IL2RA: variants seen among roughly 807,000 people sequenced by gnomAD.
IL2RA encodes interleukin-2 receptor subunit alpha.
IL2RA carries 24 observed loss-of-function variants against 37.8 expected under a neutral mutation model. That is an observed-to-expected ratio of 0.63 (90% confidence interval 0.46 to 0.89). The LOEUF is 0.89. Ranked by LOEUF, IL2RA falls within the 40% of genes least tolerant of loss-of-function variation. The pLI is 0.00. For missense variants in IL2RA, 319 were observed against 348.6 expected (o/e 0.92, Z 0.68); for synonymous variants, 125 against 114.6 (o/e 1.09, Z -0.58).
In IL2RA at chr10:6,046,574, C is replaced by G. The variant is rs1242194518; in HGVS notation, c.64+15514G>C. Among the ~76,000 whole-genome samples the G allele has an allele frequency of 6.6e-6, 1 of 152,180 alleles. No homozygotes were observed. The highest frequency in any genetic ancestry group is 6.5e-5 in the Admixed American group (1 of 15,282). ...GTTCTCAGACACATAAATGCAACCTCAAGGCTTTTGCTGAGTTTAGTCTTT... is the reference window on the plus strand; with the variant it reads ...GTTCTCAGACACATAAATGCAACCTGAAGGCTTTTGCTGAGTTTAGTCTTT... On this transcript the variant is annotated intron_variant, in intron 1 of 7. Coordinates refer to ENST00000379959, the MANE Select transcript of IL2RA (RefSeq NM_000417.3). This position sits in a 1 kb window ranked among gnomAD's most constrained non-coding sequence, Gnocchi z 4.8.
At position 6,054,496 on chromosome 10, in the gene IL2RA, C is replaced by T. The variant is rs1476470277; in HGVS notation, c.64+7592G>A. ...TGCTGTCTGTCTGAGCAAAAGTATT[C>T]GTTTTTGTCCGAGAATCTGAGACTC... On this transcript the variant is annotated intron_variant, in intron 1 of 7. Coordinates refer to ENST00000379959, the MANE Select transcript of IL2RA (RefSeq NM_000417.3). The surrounding 1 kb of genome is among the most constrained non-coding windows in gnomAD (Gnocchi z 4.5). 1.3e-5 allele frequency among the ~76,000 whole-genome samples: 2 copies of T among 152,132 alleles called. No homozygotes were observed. The highest frequency in any genetic ancestry group is 4.8e-5 in the African/African-American group (2 of 41,418).
At chr10:6,037,189 G>A (rs12722520) in intron 1 of IL2RA, among the ~76,000 whole-genome samples, 5,620 of 152,260 alleles carry the variant, frequency 0.037, 123 homozygotes, top group Middle Eastern at 0.14. Context: ...CAGTGGAAAC[G>A]TCATTGACTG....
rs1359793097 is a variant in IL2RA, at chr10:6,044,491, G to A, written c.64+17597C>T. ...GTAACTTTTGGGTCATCCGGTCACT[G>A]CTATGGAAAGGAGCAGGAACGCCTG... On this transcript the variant is annotated intron_variant, in intron 1 of 7. Transcript: ENST00000379959. This position sits in a 1 kb window ranked among gnomAD's most constrained non-coding sequence, Gnocchi z 4.5. Among the ~76,000 whole-genome samples, 3 of 152,164 alleles carry A rather than the reference G, an allele frequency of 2.0e-5. No homozygotes were observed. Among genetic ancestry groups the A allele is most frequent in the Admixed American group, 1.3e-4 (2 of 15,274 alleles).
chr10:6,023,033 A>C (rs147410620), intron 3 of IL2RA, among the ~76,000 whole-genome samples: 76 of 152,386 alleles, frequency 5.0e-4, no homozygotes, highest in African/African-American at 1.8e-3. Context: ...AAACTCTTTT[A>C]AAATAAGTAA....
intron 1 of IL2RA, among the ~76,000 whole-genome samples, chr10:6,045,475 G>C (rs1839837443): frequency 6.6e-6 from 1 of 152,088 alleles, no homozygotes; most frequent in East Asian, 1.9e-4. Flanking sequence ...TTGGGCGCTG[G>C]TTATGTTCTA....
Position 6,062,220 on chromosome 10 carries a change from G to T in IL2RA, c.-69C>A, listed in dbSNP as rs554029632. 55 of 1,376,856 alleles carry T rather than the reference G, an allele frequency of 4.0e-5. 1 individual carries two copies. The South Asian group carries it at 6.3e-4, about 16-fold the overall frequency. 85.3% of individuals were successfully genotyped at this position (1,376,856 alleles called of 1,614,324 possible). On this transcript the variant is annotated 5_prime_UTR_variant, in exon 1 of 8. Coordinates refer to ENST00000379959, the MANE Select transcript of IL2RA (RefSeq NM_000417.3). ...TTTCTCTGCAGAAGGCCCAGTTGCC[G>T]TCAGCCTCTTTTTGGCATCGCGCCG...
intron 1 of IL2RA, among the ~76,000 whole-genome samples, chr10:6,034,794 C>G (rs1338756034): frequency 6.6e-6 from 1 of 152,156 alleles, no homozygotes; most frequent in Non-Finnish European, 1.5e-5. Context: ...CATTCTCTCC[C>G]GGAATATTTT....
Position 6,058,714 on chromosome 10 carries a change from G to A in IL2RA, c.64+3374C>T, listed in dbSNP as rs1402295064. On this transcript the variant is annotated intron_variant, in intron 1 of 7. Transcript: ENST00000379959. The surrounding 1 kb of genome is among the most constrained non-coding windows in gnomAD (Gnocchi z 4.2). ...TTTTGAGTCTAGAGGATAAAGATTT[G>A]ATCACAGAATTCCTAGAATGAAAGA... Among the ~76,000 whole-genome samples, 1 of 152,140 alleles carries A rather than the reference G, an allele frequency of 6.6e-6. No individual in the cohort carries two copies. The highest frequency in any genetic ancestry group is 1.5e-5 in the Non-Finnish European group (1 of 68,022).
chr10:6,024,403 A>C (rs1839444885), intron 2 of IL2RA, 49 bp from the exon 3 acceptor site: 1 of 1,309,708 alleles, frequency 7.6e-7, no homozygotes, highest in Non-Finnish European at 1.1e-6. Context: ...AATGCTTCAT[A>C]GAAAACACTG....
chr10:6,019,801 C>T, intron 5 of IL2RA, 69 bp downstream of exon 5: 1 of 1,423,226 alleles, frequency 7.0e-7, no homozygotes, highest in African/African-American at 1.4e-5. Context: ...TCTCCCTGAG[C>T]CTGGCTCCTG....
At chr10:6,019,526 C>T (rs1839344705) in intron 5 of IL2RA, 27 bp from the exon 6 acceptor site, 9 of 1,543,548 alleles carry the variant, frequency 5.8e-6, no homozygotes, top group Non-Finnish European at 8.1e-6. Flanking sequence ...AAGAGAGACA[C>T]TCCTGCTACC....
chr10:6,052,733 T>C (rs767671524), intron 1 of IL2RA, among the ~76,000 whole-genome samples: 17 of 152,166 alleles, frequency 1.1e-4, no homozygotes, highest in Non-Finnish European at 2.1e-4. Flanking sequence ...GAAGGAGGTA[T>C]CTATTTTGGT....
chr10:6,044,975 T>C lies in IL2RA; in HGVS notation c.64+17113A>G, dbSNP rs1402837206. On this transcript the variant is annotated intron_variant, in intron 1 of 7. Coordinates refer to ENST00000379959, the MANE Select transcript of IL2RA (RefSeq NM_000417.3). This position sits in a 1 kb window ranked among gnomAD's most constrained non-coding sequence, Gnocchi z 4.5. ...CAGCAAGCACAAATGTTGAAGGAAA[T>C]GTGGGAGAAGTAAAGTGCCTGTCTC... Among the ~76,000 whole-genome samples the C allele has an allele frequency of 6.6e-6, 1 of 152,154 alleles. No individual in the cohort carries two copies.
rs998622735 is a variant in IL2RA, at chr10:6,021,426, C to G, written c.583+52G>C. 6.8e-7 allele frequency: 1 copy of G among 1,477,100 alleles called. No individual in the cohort carries two copies. Among genetic ancestry groups the G allele is most frequent in the Non-Finnish European group, 9.5e-7 (1 of 1,056,846 alleles). The allele number at this position is 1,477,100 out of a possible 1,614,324, so 91.5% of individuals were successfully genotyped here. ...GAGTGGTCAGGGATTCCACTCTGGT[C>G]AGCCTGATGGAGCAAAGCAACATTG... On this transcript the variant is annotated intron_variant, in intron 4 of 7. Transcript: ENST00000379959. The surrounding 1 kb of genome is among the most constrained non-coding windows in gnomAD (Gnocchi z 4.9).
chr10:6,030,606 T>G (rs1839561160), intron 1 of IL2RA, among the ~76,000 whole-genome samples: 2 of 152,192 alleles, frequency 1.3e-5, no homozygotes. Flanking sequence ...TTAGAGAATT[T>G]ATTATGGCAC....
At chr10:6,051,840 T>TATATATATATATATATATATAGAG (rs1554831689) in intron 1 of IL2RA, among the ~76,000 whole-genome samples, 3 of 124,488 alleles carry the variant, frequency 2.4e-5, no homozygotes, top group African/African-American at 9.0e-5. Flanking sequence ...TATATATATA[T>TATATATATATATATATATATAGAG]ATAGAATTTT....
At chr10:6,030,683 G>C (rs775082549) in intron 1 of IL2RA, among the ~76,000 whole-genome samples, 1 of 152,050 alleles carries the variant, frequency 6.6e-6, no homozygotes, top group Non-Finnish European at 1.5e-5. Flanking sequence ...AACATAAATC[G>C]ACATGAAGTA....
At position 6,028,711 on chromosome 10, in the gene IL2RA, C is replaced by G. The variant is rs1156909664; in HGVS notation, c.65-2686G>C. ...AAAAAGTGCTCAATAGAAACAGACC[C>G]GTAAAATTGGGTGTGGTGGCTCATG... On this transcript the variant is annotated intron_variant, in intron 1 of 7. Coordinates refer to ENST00000379959, the MANE Select transcript of IL2RA (RefSeq NM_000417.3). This position sits in a 1 kb window ranked among gnomAD's most constrained non-coding sequence, Gnocchi z 4.1. Among the ~76,000 whole-genome samples, 1 of 152,068 alleles carries G rather than the reference C, an allele frequency of 6.6e-6. No individual in the cohort carries two copies. The highest frequency in any genetic ancestry group is 2.4e-5 in the African/African-American group (1 of 41,414).
rs1840085528 is a variant in IL2RA, at chr10:6,058,832, TTC to T, written c.64+3254_64+3255del. ...TGCCATATTGGTAATACCAGGAGAA[TTC>T]TCTTTCTGACCACATCCCAGAGCCC... is the stretch of plus-strand genomic sequence containing the variant. On this transcript the variant is annotated intron_variant, in intron 1 of 7. Coordinates refer to ENST00000379959, the MANE Select transcript of IL2RA (RefSeq NM_000417.3). This position sits in a 1 kb window ranked among gnomAD's most constrained non-coding sequence, Gnocchi z 4.2. Among the ~76,000 whole-genome samples the T allele has an allele frequency of 6.6e-6, 1 of 152,210 alleles. No homozygotes were observed. The highest frequency in any genetic ancestry group is 1.5e-5 in the Non-Finnish European group (1 of 68,032).
Sources: gnomAD v4.1 joint callset for allele counts (sites outside exome capture counted in the v4.1 genomes callset) on GRCh38, gnomAD v4.1.1 for gene constraint, Gnocchi (gnomAD v3.1) non-coding constraint, MANE v1.5 for transcripts, NCBI Gene and HGNC (gene_info 2026-07-23, HGNC 2026-07-21) for gene names.